Variants in SLC9A2 observed in about 807,000 individuals in gnomAD.
The protein encoded by SLC9A2 is sodium/hydrogen exchanger 2.
Under a neutral mutation model 71.7 loss-of-function variants are expected in SLC9A2, and 42 were observed. That is an observed-to-expected ratio of 0.59 (90% CI 0.46 to 0.76). The LOEUF (loss-of-function observed/expected upper bound fraction) is 0.76. Ranked by LOEUF, SLC9A2 falls within the 30% of genes least tolerant of loss-of-function variation. SLC9A2 has a pLI of 0.00. For synonymous variants in SLC9A2, 396 were observed against 392.5 expected (o/e 1.01, Z -0.10); for missense variants, 829 against 1,017.4 (o/e 0.81, Z 2.52).
At chr2:102,669,472 T>A (rs192018227) in intron 3 of SLC9A2, among the ~76,000 whole-genome samples, 1 of 152,330 alleles carries the variant, frequency 6.6e-6, no homozygotes, top group Non-Finnish European at 1.5e-5. Flanking sequence ...TGCATACATA[T>A]GTGTGTTTCA....
chr2:102,689,336 G>A (rs1317879864), intron 5 of SLC9A2, among the ~76,000 whole-genome samples: 2 of 152,142 alleles, frequency 1.3e-5, no homozygotes, highest in Non-Finnish European at 2.9e-5. Context: ...GCAACCCTAA[G>A]AAATGCTCCA....
intron 1 of SLC9A2, among the ~76,000 whole-genome samples, chr2:102,635,593 G>T (rs746114609): frequency 1.3e-5 from 2 of 152,212 alleles, no homozygotes; most frequent in African/African-American, 2.4e-5. Flanking sequence ...CTCAAGAGAG[G>T]TTCCAAGGAC....
rs1227845500 is a variant in SLC9A2, at chr2:102,632,109, T to C, written c.289+11972T>C. Among the ~76,000 whole-genome samples, 17 of 116,300 alleles carry C rather than the reference T, an allele frequency of 1.5e-4. No individual in the cohort carries two copies. The East Asian group carries it at 3.5e-3, about 24-fold the overall frequency. The allele number at this position is 116,300 out of a possible 152,430, so 76.3% of individuals were successfully genotyped here. ...ATATATACACATATATATACATATA[T>C]ATGTATATATACATATATACATATA... On this transcript the variant is annotated intron_variant, in intron 1 of 11. Transcript: ENST00000233969.
At chr2:102,629,819 T>C (rs1391312778) in intron 1 of SLC9A2, among the ~76,000 whole-genome samples, 2 of 152,112 alleles carry the variant, frequency 1.3e-5, no homozygotes, top group Admixed American at 6.6e-5. Flanking sequence ...ACATATTTTG[T>C]GGTTGTGTGA....
intron 4 of SLC9A2, among the ~76,000 whole-genome samples, chr2:102,683,803 T>C (rs1344369234): frequency 1.3e-5 from 2 of 152,070 alleles, no homozygotes; most frequent in Non-Finnish European, 2.9e-5. Flanking sequence ...TCCCCTTTCC[T>C]TCCTCATCGC....
At chr2:102,645,666 C>T (rs960678637) in intron 1 of SLC9A2, among the ~76,000 whole-genome samples, 8 of 151,696 alleles carry the variant, frequency 5.3e-5, no homozygotes, top group African/African-American at 1.9e-4. Flanking sequence ...ACACAAGTGT[C>T]AATAGCCGAA....
At chr2:102,634,822 T>C (rs1356212855) in intron 1 of SLC9A2, among the ~76,000 whole-genome samples, 4 of 152,084 alleles carry the variant, frequency 2.6e-5, no homozygotes, top group Admixed American at 2.6e-4. Context: ...CAGCCAGGCA[T>C]AATTGGTGGA....
At chr2:102,627,330 A>G (rs1271587118) in intron 1 of SLC9A2, among the ~76,000 whole-genome samples, 1 of 152,106 alleles carries the variant, frequency 6.6e-6, no homozygotes, top group African/African-American at 2.4e-5. Flanking sequence ...TTAGAAACAA[A>G]AAAAACAAAC....
intron 10 of SLC9A2, among the ~76,000 whole-genome samples, chr2:102,705,225 A>ATAC (rs1677951956): frequency 6.6e-6 from 1 of 151,888 alleles, no homozygotes; most frequent in South Asian, 2.1e-4. Context: ...AATAATAATA[A>ATAC]TATTGTGATA....
chr2:102,704,475 G>A lies in SLC9A2; in HGVS notation c.1846-69G>A, dbSNP rs1048842515. ...TCCAAAGAAATGTGGTAAAGTCTTG[G>A]AATTTCTGGGGGAAATGATCAGGTT... is the stretch of plus-strand genomic sequence containing the variant. On this transcript the variant is annotated intron_variant, in intron 9 of 11. Coordinates refer to ENST00000233969, the MANE Select transcript of SLC9A2 (RefSeq NM_003048.6). 4.7e-6 allele frequency: 7 copies of A among 1,503,250 alleles called. No individual in the cohort carries two copies. The Admixed American group carries it at 8.7e-5, about 19-fold the overall frequency. 93.1% of individuals were successfully genotyped at this position (1,503,250 alleles called of 1,614,324 possible). A position where few individuals can be genotyped will look rare whatever the true frequency, so the allele number is the denominator to read the frequency against.
At chr2:102,661,913 C>G (rs1011901612) in intron 2 of SLC9A2, among the ~76,000 whole-genome samples, 2 of 152,132 alleles carry the variant, frequency 1.3e-5, no homozygotes, top group African/African-American at 4.8e-5. Flanking sequence ...GGCATAGATT[C>G]CCTCATAATA....
chr2:102,665,666 C>T (rs952946282), intron 3 of SLC9A2, among the ~76,000 whole-genome samples: 2 of 140,616 alleles, frequency 1.4e-5, no homozygotes, highest in African/African-American at 2.6e-5. Context: ...CCCAGCTACT[C>T]GGGAGGCTGA....
chr2:102,705,383 G>C (rs550505364), intron 10 of SLC9A2, among the ~76,000 whole-genome samples: 1 of 151,990 alleles, frequency 6.6e-6, no homozygotes, highest in African/African-American at 2.4e-5. Flanking sequence ...TAAAACACTA[G>C]CGACTGCGGT....
intron 1 of SLC9A2, among the ~76,000 whole-genome samples, chr2:102,652,101 T>G (rs1209708269): frequency 6.6e-6 from 1 of 152,202 alleles, no homozygotes; most frequent in Non-Finnish European, 1.5e-5. Flanking sequence ...TTAGTCAACA[T>G]TTTAAAAGAA....
intron 1 of SLC9A2, among the ~76,000 whole-genome samples, chr2:102,655,649 A>G (rs62152065): frequency 0.16 from 24,294 of 152,256 alleles, 2,421 homozygotes; most frequent in East Asian, 0.33. Flanking sequence ...TATGTGGTCA[A>G]TTGTTCACTG....
chr2:102,675,381 A>C (rs1029570124), intron 3 of SLC9A2, among the ~76,000 whole-genome samples: 4 of 152,192 alleles, frequency 2.6e-5, no homozygotes, highest in African/African-American at 9.7e-5. Context: ...TGGAATCTTT[A>C]AGGAGAAGTG....
chr2:102,697,600 C>T (rs1677792369), intron 7 of SLC9A2: 1 of 147,446 alleles, frequency 6.8e-6, no homozygotes, highest in Admixed American at 6.7e-5. Flanking sequence ...CATCCCCCCG[C>T]ACCTACTTCC....
Position 102,658,012 on chromosome 2 carries a change from T to A in SLC9A2, c.738T>A (p.Asn246Lys). The change falls in exon 2 of 12, where the codon AAT (asparagine) becomes AAA (lysine). Residue 246 changes from asparagine (N) to lysine (K), a missense_variant. Physicochemically the swap from Asn to Lys is moderately conservative, Grantham distance 94. Around this residue, in one of 3 missense-constraint regions of SLC9A2, gnomAD observed 500 missense variants for 726.3 expected, o/e 0.69. Transcript: ENST00000233969. ...YILVFGESLL[N>K]DAVTVVLYNL... The stretch of plus-strand genomic sequence containing the variant: ...TGGTCTTTGGAGAGTCCCTGCTGAA[T>A]GATGCAGTAACAGTGGTGAGTCACA... 6.2e-7 allele frequency: 1 copy of A among 1,607,110 alleles called. No individual in the cohort carries two copies. Among genetic ancestry groups the A allele is most frequent in the Non-Finnish European group, 8.5e-7 (1 of 1,176,328 alleles).
chr2:102,665,496 C>G (rs950685099), intron 3 of SLC9A2, 146 bp downstream of exon 3: 1 of 905,526 alleles, frequency 1.1e-6, no homozygotes, highest in African/African-American at 1.7e-5. Context: ...ATTTTTCGGA[C>G]GGGCACAGTG....
Sources: allele counts gnomAD v4.1 joint callset (sites outside exome capture counted in the v4.1 genomes callset), GRCh38; gene constraint gnomAD v4.1.1; regional missense constraint gnomAD v4.1.1; transcripts MANE v1.5; gene names NCBI Gene and HGNC (gene_info 2026-07-23, HGNC 2026-07-21).